The following PACRG variants were observed in gnomAD, a reference collection of about 807,000 sequenced individuals.
PACRG encodes parkin coregulated gene protein.
In PACRG, 29 loss-of-function variants were observed where a neutral mutation model predicts 29.7. The ratio of observed to expected loss-of-function variants is 0.98; its 90% CI spans 0.73 to 1.33. The LOEUF (loss-of-function observed/expected upper bound fraction) is 1.33. PACRG is among the 40% of genes most tolerant of loss of function. The pLI, the probability that PACRG is intolerant of heterozygous loss-of-function variation, is 0.00. For synonymous variants in PACRG, 116 were observed against 118.7 expected (o/e 0.98, Z 0.15); for missense variants, 279 against 316.2 (o/e 0.88, Z 0.89).
At chr6:162,849,166 A>G (rs1790654742) in intron 2 of PACRG, among the ~76,000 whole-genome samples, 1 of 152,206 alleles carries the variant, frequency 6.6e-6, no homozygotes, top group African/African-American at 2.4e-5. Flanking sequence ...AATTTAGTAC[A>G]TTGGCGTGCA....
intron 4 of PACRG, among the ~76,000 whole-genome samples, chr6:163,220,609 TAAAGTC>T (rs948327083): frequency 1.3e-5 from 2 of 152,246 alleles, no homozygotes; most frequent in African/African-American, 4.8e-5. Flanking sequence ...GTCCAGTACT[TAAAGTC>T]AAAGACCACT....
chr6:163,273,705 A>T (rs549903996), intron 4 of PACRG, among the ~76,000 whole-genome samples: 1 of 151,214 alleles, frequency 6.6e-6, no homozygotes, highest in South Asian at 2.1e-4. Flanking sequence ...CAAGTTCTCC[A>T]TTTTTTTTCT....
At chr6:162,731,017 G>T (rs1779726362) in intron 1 of PACRG, among the ~76,000 whole-genome samples, 1 of 152,110 alleles carries the variant, frequency 6.6e-6, no homozygotes, top group Non-Finnish European at 1.5e-5. Context: ...TCGACCCAGG[G>T]TTATGGTGAC....
chr6:162,827,242 C>G (rs1383662506), intron 2 of PACRG, among the ~76,000 whole-genome samples: 1 of 152,124 alleles, frequency 6.6e-6, no homozygotes, highest in Non-Finnish European at 1.5e-5. Flanking sequence ...TTGGGAATCT[C>G]TAGCTTTTTC....
intron 2 of PACRG, among the ~76,000 whole-genome samples, chr6:162,852,636 C>A (rs1193727794): frequency 6.6e-6 from 1 of 152,196 alleles, no homozygotes; most frequent in Non-Finnish European, 1.5e-5. Context: ...TTGGTCCATA[C>A]ATGTGGCTGA....
At chr6:162,742,087 C>T (rs1166582083) in intron 1 of PACRG, among the ~76,000 whole-genome samples, 1 of 152,112 alleles carries the variant, frequency 6.6e-6, no homozygotes, top group Non-Finnish European at 1.5e-5. Context: ...TGGTAAGTAC[C>T]CTTCTACTCT....
intron 1 of PACRG, among the ~76,000 whole-genome samples, chr6:162,796,345 A>G (rs1485538761): frequency 2.0e-5 from 3 of 152,064 alleles, no homozygotes; most frequent in Non-Finnish European, 2.9e-5. Flanking sequence ...ATATTTATTA[A>G]TAGCTGAGAT....
intron 4 of PACRG, among the ~76,000 whole-genome samples, chr6:163,277,229 A>G (rs914672428): frequency 4.6e-5 from 7 of 152,028 alleles, no homozygotes; most frequent in East Asian, 1.9e-4. Flanking sequence ...ACTGTACCCA[A>G]TGTGTAGTCT....
intron 4 of PACRG, among the ~76,000 whole-genome samples, chr6:163,198,186 A>T (rs1780554345): frequency 6.6e-6 from 1 of 152,242 alleles, no homozygotes; most frequent in African/African-American, 2.4e-5. Context: ...GGAACTAGTT[A>T]TTCACTAAAG....
At chr6:162,838,697 T>G (rs985814724) in intron 2 of PACRG, among the ~76,000 whole-genome samples, 2 of 151,186 alleles carry the variant, frequency 1.3e-5, no homozygotes, top group African/African-American at 4.9e-5. Context: ...ACCCACTAAC[T>G]GGTCATCTAG....
At chr6:163,079,014 C>T (rs986524825) in intron 3 of PACRG, among the ~76,000 whole-genome samples, 14 of 152,030 alleles carry the variant, frequency 9.2e-5, no homozygotes, top group East Asian at 3.9e-4. Flanking sequence ...GAGTGCAGAC[C>T]GGATCCCAGC....
intron 1 of PACRG, among the ~76,000 whole-genome samples, chr6:162,795,241 G>A (rs968465086): frequency 3.3e-5 from 5 of 151,512 alleles, no homozygotes; most frequent in South Asian, 2.1e-4. Context: ...AGGGGTGGGG[G>A]GCAGAGTAGG....
intron 1 of PACRG, among the ~76,000 whole-genome samples, chr6:162,808,482 T>A (rs1786551878): frequency 6.6e-6 from 1 of 152,148 alleles, no homozygotes. Context: ...GAAAAGGAAA[T>A]TTTCAAACTA....
chr6:163,039,622 C>G (rs988077603), intron 2 of PACRG, among the ~76,000 whole-genome samples: 1 of 152,300 alleles, frequency 6.6e-6, no homozygotes, highest in East Asian at 1.9e-4. Flanking sequence ...GGAACTGAAG[C>G]AAAGGTCACT....
At chr6:163,275,500 A>T (rs1045618475) in intron 4 of PACRG, among the ~76,000 whole-genome samples, 2 of 152,108 alleles carry the variant, frequency 1.3e-5, no homozygotes, top group Non-Finnish European at 2.9e-5. Flanking sequence ...CAAATGTCAC[A>T]TTTTTTTCAA....
intron 4 of PACRG, among the ~76,000 whole-genome samples, chr6:163,149,404 AG>A (rs2128337737): frequency 6.6e-6 from 1 of 152,270 alleles, no homozygotes; most frequent in East Asian, 1.9e-4. Flanking sequence ...TGAAAAGCCA[AG>A]GCCACGTCTA....
At chr6:163,156,906 C>T (rs1227484845) in intron 4 of PACRG, among the ~76,000 whole-genome samples, 1 of 152,168 alleles carries the variant, frequency 6.6e-6, no homozygotes, top group Non-Finnish European at 1.5e-5. Context: ...TAAGGACCAT[C>T]GTGATTATAC....
intron 1 of PACRG, among the ~76,000 whole-genome samples, chr6:162,733,748 A>G (rs1779953791): frequency 6.6e-6 from 1 of 152,050 alleles, no homozygotes; most frequent in South Asian, 2.1e-4. Context: ...CCTGAAATGC[A>G]TTTTACCCTG....
intron 3 of PACRG, among the ~76,000 whole-genome samples, chr6:163,067,135 C>G (rs569062979): frequency 6.6e-6 from 1 of 152,124 alleles, no homozygotes; most frequent in African/African-American, 2.4e-5. Context: ...AACAGCCTTC[C>G]TGCTGTAGCA....
Sources: gnomAD v4.1 joint callset for allele counts (sites outside exome capture counted in the v4.1 genomes callset) on GRCh38, gnomAD v4.1.1 for gene constraint, MANE v1.5 for transcripts, NCBI Gene and HGNC (gene_info 2026-07-23, HGNC 2026-07-21) for gene names.